The following KIF14 variants were observed in gnomAD, a reference collection of about 807,000 sequenced individuals.
The protein encoded by KIF14 is kinesin family member 14, also known as kinesin-like protein KIF14.
KIF14 carries 98 observed loss-of-function variants against 176.2 expected under a neutral mutation model. That is an observed-to-expected ratio of 0.56 (90% CI 0.47 to 0.66). The LOEUF (loss-of-function observed/expected upper bound fraction) is 0.66, where lower values mean the gene tolerates loss of function less well. KIF14 is among the 30% of genes least tolerant of loss of function. KIF14 has a pLI of 0.00. For synonymous variants in KIF14, 566 were observed against 632.2 expected, an observed-to-expected ratio of 0.90 and a Z score of 1.57; for missense variants, 1,751 against 1,920.4, an observed-to-expected ratio of 0.91 and a Z score of 1.65.
chr1:200,579,961 A>C (rs1658354581), intron 21 of KIF14, among the ~76,000 whole-genome samples: 1 of 152,072 alleles, frequency 6.6e-6, no homozygotes, highest in Non-Finnish European at 1.5e-5. Flanking sequence ...TAAATGTAAA[A>C]ATTTTAAAAA....
intron 22 of KIF14, among the ~76,000 whole-genome samples, chr1:200,574,871 T>C (rs1192731646): frequency 1.3e-5 from 2 of 152,080 alleles, no homozygotes; most frequent in Non-Finnish European, 2.9e-5. Context: ...CTAGCTTTAC[T>C]GCATTTAAAA....
intron 19 of KIF14, among the ~76,000 whole-genome samples, chr1:200,583,178 C>T (rs939074750): frequency 6.6e-6 from 1 of 151,362 alleles, no homozygotes; most frequent in Admixed American, 6.6e-5. Flanking sequence ...CTACCAAACG[C>T]AATGTGTAGA....
intron 15 of KIF14, 59 bp from the exon 16 acceptor site, chr1:200,592,299 G>C (rs1659095155): frequency 1.4e-6 from 2 of 1,405,490 alleles, no homozygotes; most frequent in African/African-American, 2.9e-5. Context: ...AATTAAATGA[G>C]AAAATTTATT....
chr1:200,588,553 T>C (rs543312209), intron 18 of KIF14, among the ~76,000 whole-genome samples: 183 of 152,302 alleles, frequency 1.2e-3, no homozygotes, highest in African/African-American at 4.3e-3. Context: ...TATTTGCATT[T>C]CTAACATGTT....
chr1:200,557,632 T>G (rs1174347248), intron 27 of KIF14, among the ~76,000 whole-genome samples: 1 of 152,158 alleles, frequency 6.6e-6, no homozygotes, highest in Non-Finnish European at 1.5e-5. Flanking sequence ...TGTATAACCC[T>G]GTAGTATGAG....
At chr1:200,608,609 C>T (rs1660001791) in intron 5 of KIF14, among the ~76,000 whole-genome samples, 1 of 151,992 alleles carries the variant, frequency 6.6e-6, no homozygotes, top group Non-Finnish European at 1.5e-5. Context: ...GCAGTCTGCC[C>T]CCCTCAGCCT....
chr1:200,553,338 G>C lies in KIF14; in HGVS notation c.*50C>G. On this transcript the variant is annotated 3_prime_UTR_variant, in exon 30 of 30. Coordinates refer to ENST00000367350, the MANE Select transcript of KIF14 (RefSeq NM_014875.3). ...CTGCATAAAGAAAATTACCGAGCAA[G>C]TGTTCTTTTTCTTTCATGGGTGGTC... 6.6e-7 allele frequency: 1 copy of C among 1,509,256 alleles called. No homozygotes were observed. The highest frequency in any genetic ancestry group is 8.9e-7 in the Non-Finnish European group (1 of 1,127,132). 93.5% of individuals were successfully genotyped at this position (1,509,256 alleles called of 1,614,324 possible).
In KIF14 at chr1:200,600,482, T is replaced by TTTGCAA. The variant is rs749415718; in HGVS notation, c.2168_2173dup (p.Ile723_Ala724dup). 382 of 1,613,286 alleles carry TTTGCAA rather than the reference T, an allele frequency of 2.4e-4. No individual in the cohort carries two copies. The highest frequency in any genetic ancestry group is 3.1e-4 in the Non-Finnish European group (371 of 1,179,462). On this transcript the variant is annotated inframe_insertion, in exon 12 of 30. Transcript: ENST00000367350. Reference sequence around the variant, plus strand: ...ACTGTTTCTCTGAGCAGCTTTTAGCTTTGCAATTTCTGCCTTCAATTCTGA... The same window carrying TTTGCAA: ...ACTGTTTCTCTGAGCAGCTTTTAGCTTTGCAATTGCAATTTCTGCCTTCAATTCTGA...
At chr1:200,577,155 CAA>C (rs35218358) in intron 21 of KIF14, among the ~76,000 whole-genome samples, 40,677 of 137,158 alleles carry the variant, frequency 0.3, 6,583 homozygotes, top group African/African-American at 0.46. Context: ...ACTAAAAATA[CAA>C]AAAAAAAAAA....
intron 17 of KIF14, among the ~76,000 whole-genome samples, 158 bp from the exon 18 acceptor site, chr1:200,589,527 A>C (rs1197245563): frequency 5.1e-5 from 1 of 19,752 alleles, no homozygotes; most frequent in Non-Finnish European, 1.0e-4. Context: ...AAAATACTTA[A>C]GAGTATTATC....
intron 4 of KIF14, among the ~76,000 whole-genome samples, chr1:200,611,813 A>C (rs1660169385): frequency 6.6e-6 from 1 of 152,168 alleles, no homozygotes; most frequent in Non-Finnish European, 1.5e-5. Context: ...CACTCTTCAA[A>C]ACCTTTTGTA....
chr1:200,571,999 G>T (rs752728897), intron 22 of KIF14, among the ~76,000 whole-genome samples: 1 of 152,140 alleles, frequency 6.6e-6, no homozygotes, highest in Non-Finnish European at 1.5e-5. Context: ...GAACGACTGT[G>T]GCATATCATT....
rs201973922 is a variant in KIF14 at position 200,587,408 on chromosome 1, T to TAA, written c.3115-1183_3115-1182dup. On this transcript the variant is annotated intron_variant, in intron 18 of 29. Coordinates refer to ENST00000367350, the MANE Select transcript of KIF14 (RefSeq NM_014875.3). ...AAAAGAAGAAAAAAGGACAAACTGT[T>TAA]AAAAAAAAAAAGGCCATATCCAAGA... Among the ~76,000 whole-genome samples, 86 of 141,676 alleles carry TAA rather than the reference T, an allele frequency of 6.1e-4. 1 individual carries two copies. The highest frequency in any genetic ancestry group is 3.5e-3 in the Middle Eastern group (1 of 288). The allele number at this position is 141,676 out of a possible 152,430, so 92.9% of individuals were successfully genotyped here.
intron 11 of KIF14, among the ~76,000 whole-genome samples, chr1:200,601,428 G>A (rs2102729099): frequency 6.6e-6 from 1 of 152,274 alleles, no homozygotes; most frequent in East Asian, 1.9e-4. Context: ...ATCCTAAATT[G>A]ATGATTACCT....
At chr1:200,583,903 C>T (rs907019270) in intron 19 of KIF14, among the ~76,000 whole-genome samples, 5 of 151,048 alleles carry the variant, frequency 3.3e-5, no homozygotes, top group African/African-American at 1.2e-4. Context: ...GATCACACCA[C>T]TGCATTCCAG....
chr1:200,610,976 T>G (rs1462606881), intron 4 of KIF14, among the ~76,000 whole-genome samples: 1 of 152,190 alleles, frequency 6.6e-6, no homozygotes, highest in African/African-American at 2.4e-5. Context: ...ACATTTGATC[T>G]GGTAAGATGG....
intron 25 of KIF14, among the ~76,000 whole-genome samples, chr1:200,563,273 A>C (rs749212932): frequency 3.9e-5 from 6 of 152,234 alleles, no homozygotes; most frequent in African/African-American, 1.4e-4. Context: ...AATTTGTTCA[A>C]TTGTTCTATA....
At chr1:200,557,318 A>C (rs1319753067) in intron 27 of KIF14, among the ~76,000 whole-genome samples, 3 of 152,172 alleles carry the variant, frequency 2.0e-5, no homozygotes, top group Non-Finnish European at 4.4e-5. Context: ...TTATTTTTTA[A>C]AACAAAAAAA....
chr1:200,555,490 T>A (rs1455586453), intron 27 of KIF14, 36 bp from the exon 28 acceptor site: 1 of 1,240,094 alleles, frequency 8.1e-7, no homozygotes, highest in Non-Finnish European at 1.1e-6. Flanking sequence ...TTATACTTTA[T>A]TATTCAGAAG....
Sources: gnomAD v4.1 joint callset for allele counts (sites outside exome capture counted in the v4.1 genomes callset) on GRCh38, gnomAD v4.1.1 for gene constraint, MANE v1.5 for transcripts, NCBI Gene and HGNC (gene_info 2026-07-23, HGNC 2026-07-21) for gene names.